The following DENND1A variants were observed in gnomAD, a reference collection of about 807,000 sequenced individuals.
The protein encoded by DENND1A is DENN domain containing 1A.
Under a neutral mutation model 113.7 loss-of-function variants are expected in DENND1A, and 51 were observed. That is an observed-to-expected ratio of 0.45 (90% confidence interval 0.36 to 0.57). The LOEUF is 0.57. Among genes scored for constraint, DENND1A ranks in the 20% least tolerant of loss-of-function variants. The probability of loss-of-function intolerance (pLI) is 0.00; values close to 1 mark genes in which losing one functional copy is unlikely to be tolerated. For synonymous variants in DENND1A, 565 were observed against 570.8 expected (o/e 0.99, Z 0.14); for missense variants, 1,258 against 1,395.9 (o/e 0.90, Z 1.57).
intron 5 of DENND1A, among the ~76,000 whole-genome samples, chr9:123,753,873 A>C (rs1417543945): frequency 6.6e-6 from 1 of 152,204 alleles, no homozygotes; most frequent in East Asian, 1.9e-4. Context: ...GCTACTCTGC[A>C]GAGGTGCCTA....
At chr9:123,834,449 A>G (rs766095368) in intron 2 of DENND1A, among the ~76,000 whole-genome samples, 13 of 152,256 alleles carry the variant, frequency 8.5e-5, no homozygotes, top group Non-Finnish European at 1.3e-4. Flanking sequence ...CAAAGCAAGT[A>G]GCAGAGGGAG....
chr9:123,721,067 C>A (rs1016459765), intron 5 of DENND1A, among the ~76,000 whole-genome samples: 1 of 152,212 alleles, frequency 6.6e-6, no homozygotes, highest in African/African-American at 2.4e-5. Flanking sequence ...TCTCCACACC[C>A]ACTCTTCCCC....
At chr9:123,408,302 C>T (rs1034669302) in intron 20 of DENND1A, among the ~76,000 whole-genome samples, 1 of 152,188 alleles carries the variant, frequency 6.6e-6, no homozygotes, top group African/African-American at 2.4e-5. Flanking sequence ...ACTGGAAATG[C>T]TTGCATAAAT....
intron 3 of DENND1A, among the ~76,000 whole-genome samples, chr9:123,770,571 C>T (rs1230273285): frequency 2.6e-5 from 4 of 152,166 alleles, no homozygotes; most frequent in Non-Finnish European, 4.4e-5. Context: ...GGACAGCCCA[C>T]GGTTGGTGCT....
chr9:123,521,109 C>T (rs1433013195), intron 13 of DENND1A, among the ~76,000 whole-genome samples: 2 of 152,308 alleles, frequency 1.3e-5, no homozygotes, highest in South Asian at 2.1e-4. Context: ...CGCCGAGACA[C>T]ATTACCAAGA....
chr9:123,818,393 C>CGGTG (rs1241895497), intron 2 of DENND1A, among the ~76,000 whole-genome samples: 1 of 152,012 alleles, frequency 6.6e-6, no homozygotes, highest in Non-Finnish European at 1.5e-5. Flanking sequence ...CGTGAGCCAC[C>CGGTG]GCACCTGGCC....
chr9:123,400,939 C>T (rs746418012), intron 21 of DENND1A: 13 of 152,154 alleles, frequency 8.5e-5, no homozygotes, highest in Non-Finnish European at 1.8e-4. Context: ...ATCCTGCATC[C>T]CCTTCTGCTG....
chr9:123,876,952 G>A (rs541846680), intron 2 of DENND1A, among the ~76,000 whole-genome samples: 4 of 152,244 alleles, frequency 2.6e-5, no homozygotes, highest in Admixed American at 2.6e-4. Context: ...GAAATAGAAA[G>A]TCAAATACAG....
chr9:123,929,414 A>C (rs1383327968), intron 1 of DENND1A, among the ~76,000 whole-genome samples: 2 of 152,184 alleles, frequency 1.3e-5, no homozygotes, highest in African/African-American at 4.8e-5. Context: ...AGGTGGCCAC[A>C]CCATGAGCGG....
chr9:123,867,325 TACAGA>T (rs1845928719), intron 2 of DENND1A, among the ~76,000 whole-genome samples: 1 of 152,174 alleles, frequency 6.6e-6, no homozygotes, highest in Non-Finnish European at 1.5e-5. Context: ...TTCCACTCTC[TACAGA>T]GTCTAGCACA....
At chr9:123,535,916 G>C in intron 13 of DENND1A, among the ~76,000 whole-genome samples, 1 of 152,110 alleles carries the variant, frequency 6.6e-6, no homozygotes, top group East Asian at 1.9e-4. Flanking sequence ...ACCTTTCCTA[G>C]GATTTCTAAG....
intron 19 of DENND1A, among the ~76,000 whole-genome samples, chr9:123,428,592 G>C (rs560185752): frequency 6.6e-6 from 1 of 152,306 alleles, no homozygotes; most frequent in South Asian, 2.1e-4. Context: ...CATTCAAATA[G>C]AAAGACAGGA....
At chr9:123,516,097 TACACACACATACACACACACACAC>T (rs994915917) in intron 13 of DENND1A, among the ~76,000 whole-genome samples, 1 of 56,790 alleles carries the variant, frequency 1.8e-5, no homozygotes, top group Non-Finnish European at 3.2e-5. Flanking sequence ...TAGATATATA[TACACACACATACACACACACACAC>T]ACACACACAC....
chr9:123,668,110 G>A (rs948297760), intron 7 of DENND1A, among the ~76,000 whole-genome samples: 1 of 152,130 alleles, frequency 6.6e-6, no homozygotes, highest in Non-Finnish European at 1.5e-5. Context: ...ATGGCAAGCA[G>A]GAACGGAAAG....
At chr9:123,450,922 TA>T (rs572218870) in intron 17 of DENND1A, among the ~76,000 whole-genome samples, 173 bp from the exon 18 acceptor site, 3 of 150,756 alleles carry the variant, frequency 2.0e-5, no homozygotes, top group South Asian at 2.1e-4. Context: ...GGTAAAAGGT[TA>T]AAAAAAAACC....
intron 8 of DENND1A, among the ~76,000 whole-genome samples, chr9:123,664,818 G>T (rs1035754763): frequency 1.3e-5 from 2 of 152,076 alleles, no homozygotes; most frequent in Admixed American, 1.3e-4. Flanking sequence ...TGAAATTTTT[G>T]GTGTGATTTA....
chr9:123,674,566 C>A (rs2063950632), intron 6 of DENND1A, among the ~76,000 whole-genome samples: 1 of 152,160 alleles, frequency 6.6e-6, no homozygotes, highest in Non-Finnish European at 1.5e-5. Flanking sequence ...GATTTCCTAT[C>A]ATCTGTGTCA....
chr9:123,417,324 C>G (rs10123099), intron 19 of DENND1A, among the ~76,000 whole-genome samples: 43,766 of 152,156 alleles, frequency 0.29, 7,178 homozygotes, highest in African/African-American at 0.45. Flanking sequence ...TGTTGAAGGA[C>G]ACTGGATTTT....
intron 16 of DENND1A, 115 bp from the exon 17 acceptor site, chr9:123,452,462 A>G (rs1191210808): frequency 3.6e-6 from 3 of 822,964 alleles, no homozygotes; most frequent in African/African-American, 1.7e-5. Context: ...GTAAATGCAC[A>G]TCGAGAAATA....
Sources: gnomAD v4.1 joint callset for allele counts (sites outside exome capture counted in the v4.1 genomes callset) on GRCh38, gnomAD v4.1.1 for gene constraint, MANE v1.5 for transcripts, NCBI Gene and HGNC (gene_info 2026-07-23, HGNC 2026-07-21) for gene names.